Variants in FAM227B observed in about 807,000 individuals in gnomAD.
FAM227B encodes the protein family with sequence similarity 227 member B.
In FAM227B, 88 loss-of-function variants were observed where a neutral mutation model predicts 73.8. The observed-to-expected ratio is 1.19, with a 90% CI of 1.00 to 1.42. FAM227B has a LOEUF of 1.42. Ranked by LOEUF, FAM227B falls within the 40% of genes most tolerant of loss-of-function variation. The probability of loss-of-function intolerance (pLI) is 0.00; values close to 1 mark genes in which losing one functional copy is unlikely to be tolerated. For missense variants in FAM227B, 632 were observed against 590.9 expected (o/e 1.07, Z -0.72); for synonymous variants, 210 against 190.5 (o/e 1.10, Z -0.84).
intron 7 of FAM227B, 75 bp downstream of exon 7, chr15:49,576,666 G>A: frequency 1.2e-6 from 1 of 869,398 alleles, no homozygotes; most frequent in Non-Finnish European, 1.8e-6. Context: ...ATTTATCATA[G>A]CTTTAAGTAA....
chr15:49,590,342 A>G (rs1212228015), intron 3 of FAM227B, among the ~76,000 whole-genome samples: 1 of 152,198 alleles, frequency 6.6e-6, no homozygotes, highest in Non-Finnish European at 1.5e-5. Context: ...TTTATATTTA[A>G]TACAAAGACT....
At chr15:49,551,640 C>A (rs897038728) in intron 9 of FAM227B, among the ~76,000 whole-genome samples, 3 of 152,028 alleles carry the variant, frequency 2.0e-5, no homozygotes, top group Non-Finnish European at 2.9e-5. Context: ...TTGTTATTTG[C>A]TTTCTTGTTC....
intron 10 of FAM227B, among the ~76,000 whole-genome samples, chr15:49,521,315 G>A (rs780461562): frequency 6.6e-6 from 1 of 152,190 alleles, no homozygotes; most frequent in Non-Finnish European, 1.5e-5. Context: ...AAGGAAAAGG[G>A]GCAGTGCAGC....
intron 11 of FAM227B, among the ~76,000 whole-genome samples, chr15:49,429,600 G>T (rs1029778702): frequency 1.3e-5 from 2 of 151,790 alleles, no homozygotes; most frequent in African/African-American, 4.8e-5. Flanking sequence ...ATATTGAAAG[G>T]GTTGCCTTTC....
In FAM227B at chr15:49,477,374, T is replaced by C. The variant is rs541299357; in HGVS notation, c.1012+30837A>G. Among the ~76,000 whole-genome samples the C allele has an allele frequency of 3.2e-4, 49 of 152,356 alleles. No homozygotes were observed. In the South Asian group the frequency reaches 9.7e-3, roughly 30 times the overall value. On this transcript the variant is annotated intron_variant, in intron 11 of 15. Transcript: ENST00000299338. The stretch of plus-strand genomic sequence containing the variant: ...TCCTCAAGGCCCTTGCCACCACTGA[T>C]ACTACTGTCTCTAAAGTTTTGCCTT...
chr15:49,454,921 T>C (rs1422182439), intron 11 of FAM227B, among the ~76,000 whole-genome samples: 1 of 152,140 alleles, frequency 6.6e-6, no homozygotes, highest in Non-Finnish European at 1.5e-5. Context: ...AATATATTCT[T>C]AAAGCACTCT....
Position 49,575,086 on chromosome 15 carries a change from C to A in FAM227B, c.570G>T (p.Lys190Asn), listed in dbSNP as rs1349186237. Residue 190 changes from lysine (K) to asparagine (N), a missense_variant, in exon 8 of 16, where the codon AAG becomes AAT. Coordinates refer to ENST00000299338, the MANE Select transcript of FAM227B (RefSeq NM_152647.3). ...NFDERVFKIW[K>N]THFLSEASIA... is the part of the protein sequence containing the mutation. ...TGGAGGCTTCTGAGAGAAAATGAGTCTTCCAGATTTTAAAAACTCTTTCCT... is the reference window on the plus strand; with the variant it reads ...TGGAGGCTTCTGAGAGAAAATGAGTATTCCAGATTTTAAAAACTCTTTCCT... 8 of 1,598,444 alleles carry A rather than the reference C, an allele frequency of 5.0e-6. No homozygotes were observed. The highest frequency in any genetic ancestry group is 6.8e-6 in the Non-Finnish European group (8 of 1,172,028).
rs34095368 is a variant in FAM227B, at chr15:49,360,240, G to GAA, written c.1271+7206_1271+7207dup. On this transcript the variant is annotated intron_variant, in intron 13 of 15. Coordinates refer to ENST00000299338, the MANE Select transcript of FAM227B (RefSeq NM_152647.3). Reference sequence around the variant, plus strand: ...TGTACCCTAAAACTTATAGTATAAGGAAAAAAAAAAAAAGTCTGTGTATGC... The same window carrying GAA: ...TGTACCCTAAAACTTATAGTATAAGGAAAAAAAAAAAAAAAGTCTGTGTATGC... Among the ~76,000 whole-genome samples, 177 of 147,450 alleles carry GAA rather than the reference G, an allele frequency of 1.2e-3. 2 individuals are homozygous for GAA. The South Asian group carries it at 0.02, about 17-fold the overall frequency.
chr15:49,592,837 G>A (rs1285575207), intron 3 of FAM227B, among the ~76,000 whole-genome samples: 4 of 152,170 alleles, frequency 2.6e-5, no homozygotes, highest in Non-Finnish European at 5.9e-5. Flanking sequence ...AGCTGCAGTG[G>A]GCTCCACCCA....
intron 8 of FAM227B, among the ~76,000 whole-genome samples, chr15:49,571,252 A>AAT (rs1241059034): frequency 3.3e-5 from 5 of 151,934 alleles, no homozygotes; most frequent in African/African-American, 1.2e-4. Context: ...TTTGGACATT[A>AAT]ACCCCTTATC....
chr15:49,549,124 G>C (rs2072404466), intron 9 of FAM227B, among the ~76,000 whole-genome samples: 1 of 151,862 alleles, frequency 6.6e-6, no homozygotes, highest in Admixed American at 6.6e-5. Context: ...GTTCTTTATT[G>C]ATGTAGGCAC....
intron 9 of FAM227B, among the ~76,000 whole-genome samples, chr15:49,567,746 A>C (rs1050844258): frequency 1.3e-5 from 2 of 152,120 alleles, no homozygotes; most frequent in Admixed American, 6.6e-5. Flanking sequence ...CTACCCAGGG[A>C]CATTACTTAT....
chr15:49,611,274 AAAGT>A lies in FAM227B; in HGVS notation c.52-10_52-7del, dbSNP rs759860796. ...TTTGGAGGTTCTTGCATTTTCTAAT[AAAGT>A]AATATCAACATTGTTCATTGGCATA... On this transcript the variant is annotated splice_polypyrimidine_tract_variant and splice_region_variant and intron_variant, in intron 2 of 15. Transcript: ENST00000299338. 1 of 1,555,426 alleles carries A rather than the reference AAAGT, an allele frequency of 6.4e-7. No homozygotes were observed. Among genetic ancestry groups the A allele is most frequent in the South Asian group, 1.1e-5 (1 of 87,694 alleles).
At chr15:49,573,142 A>G (rs745595004) in intron 8 of FAM227B, among the ~76,000 whole-genome samples, 1 of 151,834 alleles carries the variant, frequency 6.6e-6, no homozygotes, top group Non-Finnish European at 1.5e-5. Context: ...TTTCATTTTC[A>G]TTTAGTTCAA....
intron 11 of FAM227B, among the ~76,000 whole-genome samples, chr15:49,471,484 AAATAATAATAATAATAAT>A (rs201297260): frequency 3.1e-4 from 43 of 137,852 alleles, no homozygotes; most frequent in African/African-American, 5.7e-4. Context: ...CTCTATCTCA[AAATAATAATAATAATAAT>A]AATAATAATA....
chr15:49,445,367 C>A (rs2052096660), intron 11 of FAM227B, among the ~76,000 whole-genome samples: 1 of 151,538 alleles, frequency 6.6e-6, no homozygotes, highest in Admixed American at 6.6e-5. Context: ...TGAAAACATG[C>A]AGTATTTGGT....
intron 11 of FAM227B, among the ~76,000 whole-genome samples, chr15:49,473,371 A>G (rs796483045): frequency 7.2e-5 from 11 of 152,304 alleles, no homozygotes; most frequent in African/African-American, 2.4e-4. Flanking sequence ...TGAGTTAAAT[A>G]TAAGTTATTA....
chr15:49,582,189 A>C (rs2152388700), intron 5 of FAM227B, among the ~76,000 whole-genome samples: 1 of 152,340 alleles, frequency 6.6e-6, no homozygotes, highest in Non-Finnish European at 1.5e-5. Context: ...CAGAGTGGAA[A>C]CCTGGATAAA....
At chr15:49,591,898 C>G (rs2076603396) in intron 3 of FAM227B, among the ~76,000 whole-genome samples, 1 of 152,152 alleles carries the variant, frequency 6.6e-6, no homozygotes, top group Non-Finnish European at 1.5e-5. Context: ...ACCATATTTT[C>G]TTTTTCCATT....
Sources: allele counts gnomAD v4.1 joint callset (sites outside exome capture counted in the v4.1 genomes callset), GRCh38; gene constraint gnomAD v4.1.1; transcripts MANE v1.5; gene names NCBI Gene and HGNC (gene_info 2026-07-23, HGNC 2026-07-21).